The following USP37 variants were observed in gnomAD, a reference collection of about 807,000 sequenced individuals.
USP37 encodes ubiquitin carboxyl-terminal hydrolase 37.
USP37 carries 27 observed loss-of-function variants against 124.0 expected under a neutral mutation model. The ratio of observed to expected loss-of-function variants is 0.22; its 90% CI spans 0.16 to 0.30. USP37 has a LOEUF of 0.30. USP37 is among the 10% of genes least tolerant of loss of function. USP37 has a pLI of 1.00. For synonymous variants in USP37, 365 were observed against 388.0 expected (o/e 0.94, Z 0.70); for missense variants, 889 against 1,140.4 (o/e 0.78, Z 3.17).
chr2:218,549,926 T>C lies in USP37; in HGVS notation c.329-17A>G, dbSNP rs368087720. The stretch of plus-strand genomic sequence containing the variant: ...GTTTCATGGCTGGTGACCAAAAATA[T>C]AATTTTTTTTAAAATCCCCAAATCA... On this transcript the variant is annotated splice_polypyrimidine_tract_variant and intron_variant, in intron 5 of 25. Coordinates refer to ENST00000258399, the MANE Select transcript of USP37 (RefSeq NM_020935.3). 11 of 1,567,158 alleles carry C rather than the reference T, an allele frequency of 7.0e-6. No homozygotes were observed. The highest frequency in any genetic ancestry group is 5.2e-6 in the Non-Finnish European group (6 of 1,159,000).
Position 218,454,586 on chromosome 2 carries a change from C to T in USP37, c.*344G>A, listed in dbSNP as rs1689591604. The T allele has an allele frequency of 5.1e-6, 1 of 194,254 alleles. No homozygotes were observed. The highest frequency in any genetic ancestry group is 6.0e-5 in the Admixed American group (1 of 16,624). 12.0% of individuals were successfully genotyped at this position (194,254 alleles called of 1,614,324 possible). On this transcript the variant is annotated 3_prime_UTR_variant, in exon 26 of 26. Coordinates refer to ENST00000258399, the MANE Select transcript of USP37 (RefSeq NM_020935.3). Reference sequence around the variant, plus strand: ...GAGCAGGCATATTCTGGTGGCTCATCCTAACTCTTTAAGGCTCCATTCATC... The same window carrying T: ...GAGCAGGCATATTCTGGTGGCTCATTCTAACTCTTTAAGGCTCCATTCATC...
At chr2:218,537,285 T>C (rs1691707282) in intron 8 of USP37, among the ~76,000 whole-genome samples, 1 of 152,216 alleles carries the variant, frequency 6.6e-6, no homozygotes, top group African/African-American at 2.4e-5. Context: ...AGTGTGTGAG[T>C]TCTGACCCTA....
intron 10 of USP37, among the ~76,000 whole-genome samples, chr2:218,525,526 G>A (rs1382422719): frequency 6.6e-6 from 1 of 152,066 alleles, no homozygotes; most frequent in Admixed American, 6.6e-5. Context: ...CTATATTCTT[G>A]AAATATAATT....
chr2:218,466,365 G>T (rs1690322333), intron 20 of USP37, among the ~76,000 whole-genome samples, 189 bp from the exon 21 acceptor site: 1 of 152,044 alleles, frequency 6.6e-6, no homozygotes, highest in Non-Finnish European at 1.5e-5. Context: ...ATTTTGGGTG[G>T]GACAAGCTTT....
At chr2:218,552,945 A>ACAAC (rs71403050) in intron 5 of USP37, among the ~76,000 whole-genome samples, 2 of 150,530 alleles carry the variant, frequency 1.3e-5, no homozygotes, top group Non-Finnish European at 2.9e-5. Flanking sequence ...AAACAAACAA[A>ACAAC]TAAATAAATA....
intron 5 of USP37, among the ~76,000 whole-genome samples, chr2:218,553,299 G>A (rs1319376650): frequency 6.6e-6 from 1 of 152,018 alleles, no homozygotes; most frequent in African/African-American, 2.4e-5. Context: ...AAAGAGTGTT[G>A]GATTTTGTCA....
rs1409704375 is a variant in USP37 at position 218,451,717 on chromosome 2, A to C, written c.*3213T>G. The C allele has an allele frequency of 6.6e-6, 1 of 152,424 alleles. No homozygotes were observed. The highest frequency in any genetic ancestry group is 2.4e-5 in the African/African-American group (1 of 41,454). 9.4% of individuals were successfully genotyped at this position (152,424 alleles called of 1,614,324 possible). ...ATTTTATACTTGATCAAGGAGAAAA[A>C]TAAATGTGTAGTCTAACATTTGCTT... On this transcript the variant is annotated 3_prime_UTR_variant, in exon 26 of 26. Transcript: ENST00000258399.
chr2:218,476,815 G>A, intron 19 of USP37, 25 bp downstream of exon 19: 6 of 1,586,066 alleles, frequency 3.8e-6, no homozygotes, highest in Non-Finnish European at 5.1e-6. Flanking sequence ...ATCTTTGTCA[G>A]ATGTTTTAAG....
Position 218,553,685 on chromosome 2 carries a change from C to T in USP37, c.196G>A (p.Gly66Arg). The change falls in exon 5 of 26, where the codon GGA (glycine) becomes AGA (arginine). Residue 66 changes from glycine (G) to arginine (R), a missense_variant. Around this residue, in one of 3 missense-constraint regions of USP37, gnomAD observed 374 missense variants for 386.0 expected, o/e 0.97. Coordinates refer to ENST00000258399, the MANE Select transcript of USP37 (RefSeq NM_020935.3). ...AACATTAGGCGGCTTTGTTTCGCTCCACTGGGTCGAAGCACCACATTTTTA... is the reference window on the plus strand; with the variant it reads ...AACATTAGGCGGCTTTGTTTCGCTCTACTGGGTCGAAGCACCACATTTTTA... ...NIKNVVLRPS[G>R]AKQSRLMLTL... 1 of 1,613,322 alleles carries T rather than the reference C, an allele frequency of 6.2e-7. No homozygotes were observed. Among genetic ancestry groups the T allele is most frequent in the Non-Finnish European group, 8.5e-7 (1 of 1,179,574 alleles).
chr2:218,559,797 CA>C (rs1402854568), intron 3 of USP37, among the ~76,000 whole-genome samples: 1 of 151,986 alleles, frequency 6.6e-6, no homozygotes, highest in Non-Finnish European at 1.5e-5. Flanking sequence ...AGCAACACGG[CA>C]AAAACCTCAT....
chr2:218,498,652 A>T (rs1689200520), intron 11 of USP37, among the ~76,000 whole-genome samples: 1 of 152,110 alleles, frequency 6.6e-6, no homozygotes, highest in East Asian at 1.9e-4. Flanking sequence ...GCTTGAACCC[A>T]GGAGGCAGAG....
intron 22 of USP37, 82 bp from the exon 23 acceptor site, chr2:218,459,987 T>G: frequency 9.7e-7 from 1 of 1,035,400 alleles, no homozygotes; most frequent in African/African-American, 1.6e-5. Context: ...TCCCAACACT[T>G]TGGGAGGCCG....
In USP37 at chr2:218,453,339, T is replaced by C. The variant is rs542585762; in HGVS notation, c.*1591A>G. 1 of 152,164 alleles carries C rather than the reference T, an allele frequency of 6.6e-6. No homozygotes were observed. Among genetic ancestry groups the C allele is most frequent in the Non-Finnish European group, 1.5e-5 (1 of 68,010 alleles). The allele number at this position is 152,164 out of a possible 1,614,324, so 9.4% of individuals were successfully genotyped here. On this transcript the variant is annotated 3_prime_UTR_variant, in exon 26 of 26. Transcript: ENST00000258399. Reference sequence around the variant, plus strand: ...GTGCAATGATGCGATCTCAGCTCACTGCAACCTCTGCCTCCTGGGTTCAAG... The same window carrying C: ...GTGCAATGATGCGATCTCAGCTCACCGCAACCTCTGCCTCCTGGGTTCAAG...
At position 218,497,869 on chromosome 2, in the gene USP37, A is replaced by G. The variant is rs1689161691; in HGVS notation, c.1158-12T>C. 6.2e-7 allele frequency: 1 copy of G among 1,610,912 alleles called. No homozygotes were observed. Among genetic ancestry groups the G allele is most frequent in the African/African-American group, 1.3e-5 (1 of 74,794 alleles). The stretch of plus-strand genomic sequence containing the variant: ...AGTGTGCAAAGCGTCTAGTAAAACA[A>G]AAAACACAAAGTTAGCACGTTTTAC... On this transcript the variant is annotated splice_polypyrimidine_tract_variant and intron_variant, in intron 12 of 25. Transcript: ENST00000258399.
intron 24 of USP37, 70 bp downstream of exon 24, chr2:218,457,022 G>C (rs1488169531): frequency 1.4e-6 from 2 of 1,434,838 alleles, no homozygotes; most frequent in Admixed American, 1.9e-5. Flanking sequence ...GCTAGGCAAA[G>C]AGCAATATAA....
At chr2:218,465,093 A>G (rs1409150243) in intron 21 of USP37, among the ~76,000 whole-genome samples, 1 of 152,168 alleles carries the variant, frequency 6.6e-6, no homozygotes, top group East Asian at 1.9e-4. Flanking sequence ...AATAAACAGG[A>G]AGACAGATAA....
intron 10 of USP37, among the ~76,000 whole-genome samples, chr2:218,519,290 A>G (rs1272656153): frequency 6.6e-6 from 1 of 152,220 alleles, no homozygotes; most frequent in Non-Finnish European, 1.5e-5. Context: ...TCAATCATCT[A>G]GGATACTAGC....
At position 218,546,203 on chromosome 2, in the gene USP37, G is replaced by A. The variant is rs1196838210; in HGVS notation, c.680+18C>T. 14 of 1,594,692 alleles carry A rather than the reference G, an allele frequency of 8.8e-6. No homozygotes were observed. The highest frequency in any genetic ancestry group is 5.4e-5 in the African/African-American group (4 of 74,396). On this transcript the variant is annotated intron_variant, in intron 8 of 25. Coordinates refer to ENST00000258399, the MANE Select transcript of USP37 (RefSeq NM_020935.3). ...GAAACACTGCTCTAACACTATAAAG[G>A]CCCTTAAAGTAACTTACGATGATGA...
intron 10 of USP37, among the ~76,000 whole-genome samples, chr2:218,527,140 C>T (rs1340915851): frequency 6.6e-6 from 1 of 152,150 alleles, no homozygotes; most frequent in Non-Finnish European, 1.5e-5. Flanking sequence ...GCCTTCTTGA[C>T]AAGGACTTAG....
Sources: allele counts gnomAD v4.1 joint callset (sites outside exome capture counted in the v4.1 genomes callset), GRCh38; gene constraint gnomAD v4.1.1; regional missense constraint gnomAD v4.1.1; transcripts MANE v1.5; gene names NCBI Gene and HGNC (gene_info 2026-07-23, HGNC 2026-07-21).